CEP290: variants seen among roughly 807,000 people sequenced by gnomAD.
CEP290 encodes the protein centrosomal protein of 290 kDa.
Under a neutral mutation model 344.9 loss-of-function variants are expected in CEP290, and 317 were observed. That is an observed-to-expected ratio of 0.92 (90% CI 0.84 to 1.01). The LOEUF (loss-of-function observed/expected upper bound fraction) is 1.01, where lower values mean the gene tolerates loss of function less well. Among genes scored for constraint, CEP290 ranks in the 50% least tolerant of loss-of-function variants. The pLI is 0.00. For missense variants in CEP290, 2,754 were observed against 2,761.4 expected, an observed-to-expected ratio of 1.00 and a Z score of 0.06; for synonymous variants, 932 against 895.8, an observed-to-expected ratio of 1.04 and a Z score of -0.72.
intron 52 of CEP290, among the ~76,000 whole-genome samples, chr12:88,052,316 T>G (rs2033618313): frequency 6.6e-6 from 1 of 152,172 alleles, no homozygotes; most frequent in South Asian, 2.1e-4. Flanking sequence ...AGCAGAAACT[T>G]GGAAGCAAAC....
In CEP290 at chr12:88,054,310, A is replaced by G. The variant is rs545319994; in HGVS notation, c.7034+30T>C. 8.8e-6 allele frequency: 13 copies of G among 1,469,270 alleles called. No homozygotes were observed. In the East Asian group the frequency reaches 2.5e-4, roughly 29 times the overall value. The allele number at this position is 1,469,270 out of a possible 1,614,324, so 91.0% of individuals were successfully genotyped here. A position where few individuals can be genotyped will look rare whatever the true frequency, so the allele number is the denominator to read the frequency against. ...AATAATTTTTTTTTTAAAGAAAAAAACAAAGTAGTCATATGAATACATGAT... is the reference window on the plus strand; with the variant it reads ...AATAATTTTTTTTTTAAAGAAAAAAGCAAAGTAGTCATATGAATACATGAT... On this transcript the variant is annotated intron_variant, in intron 51 of 53. Transcript: ENST00000552810.
intron 41 of CEP290, among the ~76,000 whole-genome samples, chr12:88,074,914 C>T (rs2035647378): frequency 2.0e-5 from 3 of 152,178 alleles, no homozygotes; most frequent in South Asian, 4.1e-4. Context: ...CATCTCTTAA[C>T]CTGTATCCTT....
At chr12:88,108,864 G>T (rs1340408585) in intron 23 of CEP290, among the ~76,000 whole-genome samples, 1 of 151,976 alleles carries the variant, frequency 6.6e-6, no homozygotes, top group Non-Finnish European at 1.5e-5. Flanking sequence ...AACCCAGGCA[G>T]GATAATCCCA....
At chr12:88,058,436 C>T (rs1388450633) in intron 49 of CEP290, 2 of 205,580 alleles carry the variant, frequency 9.7e-6, no homozygotes, top group Non-Finnish European at 1.9e-5. Flanking sequence ...CACATTGTGA[C>T]AAGACAGCTC....
At position 88,085,907 on chromosome 12, in the gene CEP290, A is replaced by T. The variant is rs983650060; in HGVS notation, c.4437+132T>A. 5.3e-5 allele frequency: 43 copies of T among 812,058 alleles called. No individual in the cohort carries two copies. The Admixed American group carries it at 8.7e-4, about 17-fold the overall frequency. The allele number at this position is 812,058 out of a possible 1,614,324, so 50.3% of individuals were successfully genotyped here. ...TATTGGCTATTAGAAACATTATAGG[A>T]GAATAGAAAAATAGTGAAATTAGCA... On this transcript the variant is annotated intron_variant, in intron 34 of 53. Transcript: ENST00000552810.
chr12:88,125,122 A>G (rs1209479108), intron 13 of CEP290, 124 bp downstream of exon 13: 15 of 333,824 alleles, frequency 4.5e-5, no homozygotes, highest in Admixed American at 1.0e-4. Context: ...ATCTTGTACA[A>G]TTTTTTGAAA....
intron 26 of CEP290, among the ~76,000 whole-genome samples, chr12:88,097,614 C>T (rs867661158): frequency 1.4e-5 from 2 of 140,878 alleles, no homozygotes; most frequent in Admixed American, 6.8e-5. Flanking sequence ...CACACATACA[C>T]ACACACACAC....
At chr12:88,103,305 C>A in intron 25 of CEP290, 1 of 175,554 alleles carries the variant, frequency 5.7e-6, no homozygotes. Flanking sequence ...ATATATCACT[C>A]GGAATTTATC....
chr12:88,107,267 G>C (rs922666228), intron 23 of CEP290, among the ~76,000 whole-genome samples, 169 bp from the exon 24 acceptor site: 16 of 152,076 alleles, frequency 1.1e-4, no homozygotes, highest in Admixed American at 9.8e-4. Flanking sequence ...AAAGGGTTTA[G>C]CCTAGAATTA....
chr12:88,049,120 T>C lies in CEP290; in HGVS notation c.*64A>G. 1 of 955,882 alleles carries C rather than the reference T, an allele frequency of 1.0e-6. No individual in the cohort carries two copies. Among genetic ancestry groups the C allele is most frequent in the Non-Finnish European group, 1.6e-6 (1 of 633,214 alleles). The allele number at this position is 955,882 out of a possible 1,614,324, so 59.2% of individuals were successfully genotyped here. A position where few individuals can be genotyped will look rare whatever the true frequency, so the allele number is the denominator to read the frequency against. On this transcript the variant is annotated 3_prime_UTR_variant, in exon 54 of 54. Transcript: ENST00000552810. ...ACTACAGTTCGGAGAACTGCTTATT[T>C]CCAAGTATATTTAACTTATAAAGTT...
Position 88,121,169 on chromosome 12 carries a change from A to AC in CEP290, c.1190-4dup. 1 of 1,606,550 alleles carries AC rather than the reference A, an allele frequency of 6.2e-7. No individual in the cohort carries two copies. The highest frequency in any genetic ancestry group is 1.1e-5 in the South Asian group (1 of 89,306). ...CTGTTGAGAAAGGGTTGAAGCACCT[A>AC]CAGAGTAAAAACAAAAATCATGAAT... On this transcript the variant is annotated splice_polypyrimidine_tract_variant and splice_region_variant and intron_variant, in intron 13 of 53. Transcript: ENST00000552810.
chr12:88,091,627 A>C (rs1456620656), intron 29 of CEP290, among the ~76,000 whole-genome samples: 1 of 152,128 alleles, frequency 6.6e-6, no homozygotes, highest in Non-Finnish European at 1.5e-5. Flanking sequence ...AACTATTATA[A>C]GTTAGTTTAT....
intron 40 of CEP290, 29 bp downstream of exon 40, chr12:88,077,668 G>A (rs2035879508): frequency 8.0e-7 from 1 of 1,246,594 alleles, no homozygotes; most frequent in South Asian, 1.4e-5. Context: ...TTGTAAATCA[G>A]ACATTATCAG....
In CEP290 at chr12:88,080,214, T is replaced by G. The variant is rs772924730; in HGVS notation, c.5194A>C (p.Ser1732Arg). The change falls in exon 38 of 54, where the codon AGC (serine) becomes CGC (arginine). Residue 1732 changes from serine (S) to arginine (R), a missense_variant. Ser to Arg is a moderately radical substitution (Grantham distance 110). Transcript: ENST00000552810. ...TMRNLVERLK[S>R]QLALKEKQQK... ...TGTTTCTCCTTCAAGGCTAATTGGC[T>G]CTTTAGCCGTTCTACTAGATTTCTC... 5.0e-6 allele frequency: 8 copies of G among 1,611,378 alleles called. No individual in the cohort carries two copies.
chr12:88,104,616 C>T (rs1198077572), intron 25 of CEP290, among the ~76,000 whole-genome samples: 1 of 151,550 alleles, frequency 6.6e-6, no homozygotes, highest in African/African-American at 2.4e-5. Context: ...ACAAATGAGC[C>T]TAACTATATA....
intron 51 of CEP290, 145 bp downstream of exon 51, chr12:88,054,195 G>A (rs901648363): frequency 1.7e-6 from 1 of 592,370 alleles, no homozygotes; most frequent in Non-Finnish European, 2.9e-6. Flanking sequence ...TAGCATTAGA[G>A]GGAAGAAATA....
At chr12:88,092,647 T>C in intron 29 of CEP290, 34 bp downstream of exon 29, 9 of 1,571,954 alleles carry the variant, frequency 5.7e-6, no homozygotes, top group East Asian at 2.3e-5. Context: ...AAGATACATC[T>C]AGTCAAATGG....
Position 88,071,922 on chromosome 12 carries a change from G to A in CEP290, c.5714C>T (p.Ala1905Val), listed in dbSNP as rs1181049225. The change falls in exon 42 of 54, where the codon GCT (alanine) becomes GTT (valine). Residue 1905 changes from alanine (A) to valine (V), a missense_variant. By Grantham distance (64) the Ala-to-Val change is moderately conservative. Coordinates refer to ENST00000552810, the MANE Select transcript of CEP290 (RefSeq NM_025114.4). ...TTCCCACCTAATTAATTCTTCTTTA[G>A]CATTCTGTAACAATAACGAAGGAGG... is the stretch of plus-strand genomic sequence containing the variant. ...VDLKPMKEKNAKEELIRWEEG... is the reference protein window; with the variant it reads ...VDLKPMKEKNVKEELIRWEEG... 8.2e-6 allele frequency: 13 copies of A among 1,583,566 alleles called. No homozygotes were observed. The highest frequency in any genetic ancestry group is 1.1e-5 in the Non-Finnish European group (13 of 1,168,842).
intron 35 of CEP290, 130 bp from the exon 36 acceptor site, chr12:88,084,084 A>G: frequency 3.2e-6 from 2 of 625,506 alleles, no homozygotes; most frequent in Non-Finnish European, 5.5e-6. Context: ...GTATCTCCAT[A>G]TATGTATGTA....
Sources: gnomAD v4.1 joint callset for allele counts (sites outside exome capture counted in the v4.1 genomes callset) on GRCh38, gnomAD v4.1.1 for gene constraint, MANE v1.5 for transcripts, NCBI Gene and HGNC (gene_info 2026-07-23, HGNC 2026-07-21) for gene names.